The following FARS2 variants were observed in gnomAD, a reference collection of about 807,000 sequenced individuals.
FARS2 encodes the protein phenylalanine--tRNA ligase, mitochondrial.
In FARS2, 40 loss-of-function variants were observed where a neutral mutation model predicts 46.4. The ratio of observed to expected loss-of-function variants is 0.86; its 90% CI spans 0.67 to 1.12. The LOEUF (loss-of-function observed/expected upper bound fraction) is 1.12, where lower values mean the gene tolerates loss of function less well. Ranked by LOEUF, FARS2 falls within the 50% of genes most tolerant of loss-of-function variation. The pLI, the probability that FARS2 is intolerant of heterozygous loss-of-function variation, is 0.00. For synonymous variants in FARS2, 234 were observed against 214.9 expected (o/e 1.09, Z -0.78); for missense variants, 513 against 567.9 (o/e 0.90, Z 0.98).
chr6:5,655,687 C>G (rs529096896), intron 6 of FARS2, among the ~76,000 whole-genome samples: 1 of 152,330 alleles, frequency 6.6e-6, no homozygotes, highest in Admixed American at 6.5e-5. Context: ...CAATACACAT[C>G]TCCCCATTTC....
chr6:5,554,663 T>C (rs1771553968), intron 5 of FARS2, among the ~76,000 whole-genome samples: 3 of 152,212 alleles, frequency 2.0e-5, no homozygotes, highest in African/African-American at 7.2e-5. Context: ...AGCTAAATGC[T>C]TTGCCTATGT....
chr6:5,353,726 G>GTTTTTTTTTTTTTTTTTTTTTTTTTTTTT (rs55998904), intron 1 of FARS2, among the ~76,000 whole-genome samples: 1 of 40,362 alleles, frequency 2.5e-5, no homozygotes. Flanking sequence ...AATATTTGGT[G>GTTTTTTTTTTTTTTTTTTTTTTTTTTTTT]TTTTTTTTTT....
chr6:5,622,769 G>T (rs1459890983), intron 6 of FARS2, among the ~76,000 whole-genome samples: 2 of 152,206 alleles, frequency 1.3e-5, no homozygotes, highest in African/African-American at 4.8e-5. Flanking sequence ...CGTGAGAAAT[G>T]CGTTTCTATT....
chr6:5,334,661 G>C (rs1336806519), intron 1 of FARS2, among the ~76,000 whole-genome samples: 2 of 152,122 alleles, frequency 1.3e-5, no homozygotes, highest in African/African-American at 4.8e-5. Context: ...TGTGGTGGAA[G>C]ATGGGCATGT....
At chr6:5,557,882 C>T (rs988969107) in intron 5 of FARS2, among the ~76,000 whole-genome samples, 1 of 152,064 alleles carries the variant, frequency 6.6e-6, no homozygotes, top group Admixed American at 6.5e-5. Flanking sequence ...CTATGGAACA[C>T]TTTTTTCGGT....
chr6:5,660,271 G>A (rs1239088564), intron 6 of FARS2, among the ~76,000 whole-genome samples: 1 of 152,228 alleles, frequency 6.6e-6, no homozygotes, highest in Admixed American at 6.5e-5. Flanking sequence ...GACTAGAGGG[G>A]AAATTAACTT....
intron 4 of FARS2, among the ~76,000 whole-genome samples, chr6:5,529,279 C>T (rs1260376732): frequency 6.6e-6 from 1 of 152,138 alleles, no homozygotes; most frequent in Non-Finnish European, 1.5e-5. Context: ...AAGCATCTAT[C>T]ACATTTTTTG....
At chr6:5,742,481 A>G (rs1326804631) in intron 6 of FARS2, among the ~76,000 whole-genome samples, 2 of 152,190 alleles carry the variant, frequency 1.3e-5, no homozygotes, top group Non-Finnish European at 2.9e-5. Context: ...CATTATATGT[A>G]GTACCTTCTA....
At chr6:5,700,188 A>G (rs1758333233) in intron 6 of FARS2, among the ~76,000 whole-genome samples, 1 of 152,186 alleles carries the variant, frequency 6.6e-6, no homozygotes, top group Non-Finnish European at 1.5e-5. Context: ...ACATGCATTC[A>G]CTCAATTGTA....
At chr6:5,253,938 T>C in the FARS2 span, among the ~76,000 whole-genome samples, 2 of 152,146 alleles carry the variant, frequency 1.3e-5, no homozygotes, top group Admixed American at 6.6e-5. Flanking sequence ...AAGTGGATTT[T>C]ATGTGACAAC....
chr6:5,538,946 C>G (rs892137920), intron 4 of FARS2, among the ~76,000 whole-genome samples: 4 of 152,092 alleles, frequency 2.6e-5, no homozygotes, highest in Admixed American at 6.5e-5. Flanking sequence ...TCTCTGTTCC[C>G]CATGAGGGTC....
chr6:5,574,038 AC>A (rs1772813233), intron 5 of FARS2, among the ~76,000 whole-genome samples: 1 of 152,234 alleles, frequency 6.6e-6, no homozygotes, highest in Non-Finnish European at 1.5e-5. Flanking sequence ...TTTCCAAGGA[AC>A]ACTTCAACGG....
chr6:5,539,384 G>GTGTATATATATCTATATA, intron 4 of FARS2, among the ~76,000 whole-genome samples: 1 of 79,582 alleles, frequency 1.3e-5, no homozygotes, highest in African/African-American at 4.6e-5. Context: ...TTTTTTTTGT[G>GTGTATATATATCTATATA]TATATATATA....
At chr6:5,333,335 T>G (rs1348508966) in intron 1 of FARS2, among the ~76,000 whole-genome samples, 1 of 152,172 alleles carries the variant, frequency 6.6e-6, no homozygotes, top group Non-Finnish European at 1.5e-5. Flanking sequence ...CATCGTGATT[T>G]TTTAAGAGGT....
intron 2 of FARS2, among the ~76,000 whole-genome samples, chr6:5,401,201 T>C (rs186260997): frequency 4.6e-5 from 7 of 152,236 alleles, no homozygotes; most frequent in Non-Finnish European, 4.4e-5. Context: ...CATAATATAT[T>C]GTGGTGTTAT....
intron 6 of FARS2, among the ~76,000 whole-genome samples, chr6:5,716,547 C>T (rs1211271806): frequency 6.6e-6 from 1 of 152,196 alleles, no homozygotes; most frequent in Non-Finnish European, 1.5e-5. Flanking sequence ...GCAGCAAACA[C>T]CAGCAGGTGT....
At chr6:5,511,981 C>T (rs557274003) in intron 4 of FARS2, among the ~76,000 whole-genome samples, 23 of 152,274 alleles carry the variant, frequency 1.5e-4, no homozygotes, top group Admixed American at 1.5e-3. Flanking sequence ...CAGTTGAGTC[C>T]TCTTTTCTCT....
chr6:5,447,299 G>A (rs1023668550), intron 4 of FARS2, among the ~76,000 whole-genome samples: 17 of 152,148 alleles, frequency 1.1e-4, no homozygotes, highest in African/African-American at 4.1e-4. Context: ...TGTGTGCAAG[G>A]GGACCACCTT....
intron 4 of FARS2, among the ~76,000 whole-genome samples, chr6:5,450,237 G>C (rs1764407798): frequency 6.6e-6 from 1 of 151,966 alleles, no homozygotes. Flanking sequence ...GCTGTGAGGA[G>C]AGCAGTACAT....
Sources: gnomAD v4.1 joint callset for allele counts (sites outside exome capture counted in the v4.1 genomes callset) on GRCh38, gnomAD v4.1.1 for gene constraint, MANE v1.5 for transcripts, NCBI Gene and HGNC (gene_info 2026-07-23, HGNC 2026-07-21) for gene names.